ZNF728: variants seen among roughly 807,000 people sequenced by gnomAD.
The protein encoded by ZNF728 is zinc finger protein 728.
ZNF728 carries 12 observed loss-of-function variants against 12.5 expected under a neutral mutation model. The ratio of observed to expected loss-of-function variants is 0.96; its 90% CI spans 0.61 to 1.55. The LOEUF (loss-of-function observed/expected upper bound fraction) is 1.55. Among genes scored for constraint, ZNF728 ranks in the 40% most tolerant of loss-of-function variants. The pLI is 0.00. For synonymous variants in ZNF728, 205 were observed against 240.7 expected (o/e 0.85, Z 1.37); for missense variants, 692 against 719.2 (o/e 0.96, Z 0.43).
At chr19:23,002,787 A>G (rs199862548) in intron 1 of ZNF728, among the ~76,000 whole-genome samples, 1 of 152,180 alleles carries the variant, frequency 6.6e-6, no homozygotes, top group South Asian at 2.1e-4. Context: ...AGCGGCCCCA[A>G]GAGGGCTCCA....
At chr19:23,001,310 A>G (rs1028600397) in intron 1 of ZNF728, among the ~76,000 whole-genome samples, 4 of 152,204 alleles carry the variant, frequency 2.6e-5, no homozygotes, top group Admixed American at 6.5e-5. Flanking sequence ...GGTAAAGACA[A>G]TATTAATATC....
In ZNF728 at chr19:22,984,619, TAC is replaced by T. The variant is rs1247464003; in HGVS notation, c.226+2687_226+2688del. Among the ~76,000 whole-genome samples, 4 of 134,404 alleles carry T rather than the reference TAC, an allele frequency of 3.0e-5. No homozygotes were observed. The East Asian group carries it at 9.3e-4, about 31-fold the overall frequency. The allele number at this position is 134,404 out of a possible 152,430, so 88.2% of individuals were successfully genotyped here. ...ACACACACACACACACACACACATA[TAC>T]ACACACATAGGAATTTAACAAAACA... On this transcript the variant is annotated intron_variant, in intron 3 of 3. Coordinates refer to ENST00000594710, the MANE Select transcript of ZNF728 (RefSeq NM_001267716.2).
Position 22,975,504 on chromosome 19 carries a change from C to CATA in ZNF728, c.1832_1833insTAT (p.Lys611delinsAsnMet), listed in dbSNP as rs1392738139. On this transcript the variant is annotated protein_altering_variant, in exon 4 of 4. Coordinates refer to ENST00000594710, the MANE Select transcript of ZNF728 (RefSeq NM_001267716.2). Reference sequence around the variant, plus strand: ...GGGTTTTTCCTCCAGTATGAATTCTCTTATGAGTAGTAAGGTGTGAGGATT... The same window carrying CATA: ...GGGTTTTTCCTCCAGTATGAATTCTCATATTATGAGTAGTAAGGTGTGAGGATT... 6.4e-7 allele frequency: 1 copy of CATA among 1,555,198 alleles called. No individual in the cohort carries two copies. Among genetic ancestry groups the CATA allele is most frequent in the Non-Finnish European group, 8.7e-7 (1 of 1,154,416 alleles).
At chr19:22,989,895 C>G (rs1334015489) in intron 1 of ZNF728, among the ~76,000 whole-genome samples, 1 of 152,116 alleles carries the variant, frequency 6.6e-6, no homozygotes, top group African/African-American at 2.4e-5. Context: ...GACAAAACCT[C>G]AACATTACAT....
chr19:22,982,397 T>C (rs1052885619), intron 3 of ZNF728, among the ~76,000 whole-genome samples: 3 of 152,192 alleles, frequency 2.0e-5, no homozygotes, highest in Non-Finnish European at 4.4e-5. Flanking sequence ...CATTACATGC[T>C]CATGGATAGG....
intron 1 of ZNF728, among the ~76,000 whole-genome samples, chr19:22,998,865 C>A (rs775810770): frequency 6.6e-6 from 1 of 152,204 alleles, no homozygotes; most frequent in Non-Finnish European, 1.5e-5. Flanking sequence ...TCTTTACTTA[C>A]CTAATACACA....
At chr19:22,993,702 A>C (rs947766314) in intron 1 of ZNF728, among the ~76,000 whole-genome samples, 24 of 152,158 alleles carry the variant, frequency 1.6e-4, no homozygotes, top group African/African-American at 5.6e-4. Flanking sequence ...TTGGATATAC[A>C]TTGTTAAGGT....
At chr19:22,986,392 A>G (rs1318605374) in intron 3 of ZNF728, among the ~76,000 whole-genome samples, 4 of 152,118 alleles carry the variant, frequency 2.6e-5, no homozygotes, top group African/African-American at 9.7e-5. Context: ...GTACATTAAA[A>G]CCTTTTAAAA....
At chr19:22,977,536 T>C (rs1265381029) in intron 3 of ZNF728, among the ~76,000 whole-genome samples, 1 of 152,134 alleles carries the variant, frequency 6.6e-6, no homozygotes, top group Non-Finnish European at 1.5e-5. Context: ...CTGTCTCCCA[T>C]GACATAAAGT....
intron 3 of ZNF728, among the ~76,000 whole-genome samples, chr19:22,978,947 T>C (rs1013870257): frequency 2.0e-5 from 3 of 152,136 alleles, no homozygotes; most frequent in Admixed American, 1.3e-4. Flanking sequence ...CAGAATGCCT[T>C]TTCTCCTACA....
intron 1 of ZNF728, among the ~76,000 whole-genome samples, chr19:22,990,941 G>A (rs772223263): frequency 1.3e-5 from 2 of 152,128 alleles, no homozygotes; most frequent in Non-Finnish European, 2.9e-5. Context: ...AATTCTGCAG[G>A]TATGGAAAGG....
At chr19:22,990,996 G>C (rs764244874) in intron 1 of ZNF728, among the ~76,000 whole-genome samples, 1 of 152,178 alleles carries the variant, frequency 6.6e-6, no homozygotes, top group Non-Finnish European at 1.5e-5. Context: ...CAGTAATGAT[G>C]TTGTTCCCAC....
At chr19:22,977,167 A>G in intron 3 of ZNF728, 57 bp from the exon 4 acceptor site, 1 of 1,417,600 alleles carries the variant, frequency 7.1e-7, no homozygotes, top group Admixed American at 2.8e-5. Flanking sequence ...ATAGTTTCCA[A>G]ATTTAACCTA....
chr19:22,984,249 T>C (rs73025565), intron 3 of ZNF728, among the ~76,000 whole-genome samples: 1 of 136,474 alleles, frequency 7.3e-6, no homozygotes, highest in Non-Finnish European at 1.6e-5. Flanking sequence ...AAGTATACAA[T>C]AATAGAAAAA....
chr19:22,978,397 CA>C (rs1364554342), intron 3 of ZNF728, among the ~76,000 whole-genome samples: 2 of 151,710 alleles, frequency 1.3e-5, no homozygotes, highest in East Asian at 3.9e-4. Context: ...ATCAAATTCA[CA>C]AAAAGTATAT....
In ZNF728 at chr19:23,000,205, G is replaced by A. The variant is rs1030924820; in HGVS notation, c.3+2823C>T. On this transcript the variant is annotated intron_variant, in intron 1 of 3. Transcript: ENST00000594710. ...AACATGGCTAATATGGCGAAACCCC[G>A]TCTCTACTAAAAATACAAAAAAATT... Among the ~76,000 whole-genome samples the A allele has an allele frequency of 4.0e-5, 6 of 151,820 alleles. No individual in the cohort carries two copies. In the South Asian group the frequency reaches 8.3e-4, roughly 21 times the overall value.
In ZNF728 at chr19:22,992,287, G is replaced by A. The variant is rs569240433; in HGVS notation, c.4-3836C>T. Among the ~76,000 whole-genome samples, 10 of 152,158 alleles carry A rather than the reference G, an allele frequency of 6.6e-5. No individual in the cohort carries two copies. The South Asian group carries it at 2.1e-3, about 32-fold the overall frequency. On this transcript the variant is annotated intron_variant, in intron 1 of 3. Transcript: ENST00000594710. Reference sequence around the variant, plus strand: ...AGACTGAGTCTCACTTTGTTGCCCAGGCTGGAGTGCAATGGTGTGATCTCG... The same window carrying A: ...AGACTGAGTCTCACTTTGTTGCCCAAGCTGGAGTGCAATGGTGTGATCTCG...
chr19:22,995,030 C>T (rs914599125), intron 1 of ZNF728: 1 of 153,408 alleles, frequency 6.5e-6, no homozygotes, highest in Non-Finnish European at 1.4e-5. Flanking sequence ...TAGAATTGCA[C>T]CTTCACAATA....
At chr19:22,990,961 T>C (rs1480992346) in intron 1 of ZNF728, among the ~76,000 whole-genome samples, 1 of 152,152 alleles carries the variant, frequency 6.6e-6, no homozygotes, top group Admixed American at 6.6e-5. Context: ...GGTCCACAAA[T>C]GGGTCTTTTA....
Sources: gnomAD v4.1 joint callset for allele counts (sites outside exome capture counted in the v4.1 genomes callset) on GRCh38, gnomAD v4.1.1 for gene constraint, MANE v1.5 for transcripts, NCBI Gene and HGNC (gene_info 2026-07-23, HGNC 2026-07-21) for gene names.